The following ADAMTS2 variants were observed in gnomAD, a reference collection of about 807,000 sequenced individuals.
ADAMTS2 encodes the protein A disintegrin and metalloproteinase with thrombospondin motifs 2.
Under a neutral mutation model 123.0 loss-of-function variants are expected in ADAMTS2, and 50 were observed. That is an observed-to-expected ratio of 0.41 (90% CI 0.32 to 0.51). The LOEUF is 0.51. Among genes scored for constraint, ADAMTS2 ranks in the 20% least tolerant of loss-of-function variants. The probability of loss-of-function intolerance (pLI) is 0.35; values close to 1 mark genes in which losing one functional copy is unlikely to be tolerated. For missense variants in ADAMTS2, 1,494 were observed against 1,705.2 expected (o/e 0.88, Z 2.18); for synonymous variants, 678 against 695.4 (o/e 0.98, Z 0.39).
intron 8 of ADAMTS2, 75 bp downstream of exon 8, chr5:179,153,974 A>G: frequency 6.5e-7 from 1 of 1,539,022 alleles, no homozygotes. Context: ...GCTCTGGTGC[A>G]TGGGGACTTG....
At chr5:179,253,962 G>A (rs558134738) in intron 3 of ADAMTS2, among the ~76,000 whole-genome samples, 52 of 152,318 alleles carry the variant, frequency 3.4e-4, no homozygotes, top group African/African-American at 1.2e-3. Flanking sequence ...ACATTTCCCA[G>A]TTCAGAGGTG....
At chr5:179,190,943 G>A (rs533113910) in intron 4 of ADAMTS2, among the ~76,000 whole-genome samples, 16 of 152,386 alleles carry the variant, frequency 1.0e-4, no homozygotes, top group South Asian at 6.2e-4. Flanking sequence ...GCACGTCCGC[G>A]AGTGTGACCC....
chr5:179,332,713 G>C lies in ADAMTS2; in HGVS notation c.534+11054C>G, dbSNP rs1252567002. 6.9e-6 allele frequency among the ~76,000 whole-genome samples: 1 copy of C among 144,990 alleles called. No individual in the cohort carries two copies. The highest frequency in any genetic ancestry group is 2.5e-5 in the African/African-American group (1 of 40,310). On this transcript the variant is annotated intron_variant, in intron 2 of 21. Transcript: ENST00000251582. The surrounding 1 kb of genome is among the most constrained non-coding windows in gnomAD (Gnocchi z 4.2). ...GAGGGGAGGGCAGAGGGGAGGGAGG[G>C]AGGGGATGGGAGAGGAAGGGAGGGA...
Position 179,307,440 on chromosome 5 carries a change from C to T in ADAMTS2, c.535-34376G>A, listed in dbSNP as rs1581262068. Reference sequence around the variant, plus strand: ...AACAGCCCGGTCCGGGGGGCACCACCACGCAGGGGCTTCCCGGGTCATGCT... The same window carrying T: ...AACAGCCCGGTCCGGGGGGCACCACTACGCAGGGGCTTCCCGGGTCATGCT... On this transcript the variant is annotated intron_variant, in intron 2 of 21. Transcript: ENST00000251582. The surrounding 1 kb of genome is among the most constrained non-coding windows in gnomAD (Gnocchi z 5.6). Among the ~76,000 whole-genome samples, 1 of 152,178 alleles carries T rather than the reference C, an allele frequency of 6.6e-6. No individual in the cohort carries two copies. The highest frequency in any genetic ancestry group is 1.5e-5 in the Non-Finnish European group (1 of 68,036).
At chr5:179,164,130 C>T (rs1010872198) in intron 5 of ADAMTS2, among the ~76,000 whole-genome samples, 39 of 152,354 alleles carry the variant, frequency 2.6e-4, no homozygotes, top group Non-Finnish European at 4.7e-4. Context: ...ACTGACAAGC[C>T]ACAGAGCTGC....
Position 179,154,846 on chromosome 5 carries a change from TGAG to T in ADAMTS2, c.1203_1205del (p.Ser402del). The T allele has an allele frequency of 1.2e-6, 2 of 1,613,310 alleles. No individual in the cohort carries two copies. The highest frequency in any genetic ancestry group is 1.7e-6 in the Non-Finnish European group (2 of 1,179,790). On this transcript the variant is annotated inframe_deletion, in exon 7 of 22. Transcript: ENST00000251582. ...CAGTCTCATGGGCCACCACAAACGC[TGAG>T]GAGAAGCCGTCCTCATGGTTCAGGG... is the stretch of plus-strand genomic sequence containing the variant.
rs1218972873 is a variant in ADAMTS2, at chr5:179,332,648, T to C, written c.534+11119A>G. 1.4e-5 allele frequency among the ~76,000 whole-genome samples: 2 copies of C among 139,670 alleles called. No individual in the cohort carries two copies. Among genetic ancestry groups the C allele is most frequent in the East Asian group, 4.4e-4 (2 of 4,512 alleles). 91.6% of individuals were successfully genotyped at this position (139,670 alleles called of 152,430 possible). ...AGCCCAGACCTCAGCTCAGGGCCAGTGTGCTGGGATCAGTGGCCAGTGGCC... is the reference window on the plus strand; with the variant it reads ...AGCCCAGACCTCAGCTCAGGGCCAGCGTGCTGGGATCAGTGGCCAGTGGCC... On this transcript the variant is annotated intron_variant, in intron 2 of 21. Transcript: ENST00000251582. This position sits in a 1 kb window ranked among gnomAD's most constrained non-coding sequence, Gnocchi z 4.2.
chr5:179,239,713 T>C (rs1765617984), intron 3 of ADAMTS2, among the ~76,000 whole-genome samples: 1 of 151,532 alleles, frequency 6.6e-6, no homozygotes, highest in African/African-American at 2.4e-5. Context: ...CACAGAGGGG[T>C]GCAGAGGGAG....
intron 9 of ADAMTS2, among the ~76,000 whole-genome samples, chr5:179,152,838 G>C (rs1278021589): frequency 6.6e-6 from 1 of 152,152 alleles, no homozygotes; most frequent in Non-Finnish European, 1.5e-5. Context: ...GAAGGAGGTG[G>C]CCCTCCTGCG....
At chr5:179,217,990 G>A (rs1765041108) in intron 3 of ADAMTS2, among the ~76,000 whole-genome samples, 1 of 152,208 alleles carries the variant, frequency 6.6e-6, no homozygotes, top group East Asian at 1.9e-4. Flanking sequence ...CCATGTGGAT[G>A]GGAACAAGTC....
At chr5:179,169,802 T>C (rs1366461576) in intron 5 of ADAMTS2, among the ~76,000 whole-genome samples, 1 of 152,242 alleles carries the variant, frequency 6.6e-6, no homozygotes. Context: ...GAGACTCACA[T>C]GCAGAATTTC....
intron 3 of ADAMTS2, among the ~76,000 whole-genome samples, chr5:179,223,609 C>A (rs1045215337): frequency 2.0e-5 from 3 of 150,890 alleles, no homozygotes; most frequent in Non-Finnish European, 4.4e-5. Flanking sequence ...AATGCACTCG[C>A]ATACTCACAT....
At chr5:179,316,217 C>T (rs1473820296) in intron 2 of ADAMTS2, among the ~76,000 whole-genome samples, 1 of 152,170 alleles carries the variant, frequency 6.6e-6, no homozygotes, top group Non-Finnish European at 1.5e-5. Flanking sequence ...GTCCTGCTGG[C>T]AAAGAATTCA....
intron 4 of ADAMTS2, among the ~76,000 whole-genome samples, chr5:179,184,459 C>T (rs910550841): frequency 4.8e-5 from 7 of 146,632 alleles, no homozygotes; most frequent in Admixed American, 1.4e-4. Context: ...TGCAGTGAGC[C>T]GAGATCGCGT....
chr5:179,284,165 C>T (rs1467888872), intron 2 of ADAMTS2, among the ~76,000 whole-genome samples: 1 of 150,710 alleles, frequency 6.6e-6, no homozygotes, highest in Non-Finnish European at 1.5e-5. Flanking sequence ...CCCGTCTCTA[C>T]TAAAAACACA....
intron 4 of ADAMTS2, among the ~76,000 whole-genome samples, chr5:179,194,028 G>A (rs1764363344): frequency 6.6e-6 from 1 of 152,228 alleles, no homozygotes; most frequent in East Asian, 1.9e-4. Flanking sequence ...GCTGCCTCAA[G>A]CTGTCATCCG....
chr5:179,159,023 G>T, intron 5 of ADAMTS2, 144 bp from the exon 6 acceptor site: 2 of 1,098,302 alleles, frequency 1.8e-6, no homozygotes, highest in Non-Finnish European at 1.3e-6. Flanking sequence ...TCACTCTCAG[G>T]ACCTGCTCCC....
At position 179,162,732 on chromosome 5, in the gene ADAMTS2, T is replaced by C. The variant is rs1016124028; in HGVS notation, c.976-3853A>G. 1.3e-5 allele frequency among the ~76,000 whole-genome samples: 2 copies of C among 152,252 alleles called. No homozygotes were observed. Among genetic ancestry groups the C allele is most frequent in the African/African-American group, 4.8e-5 (2 of 41,474 alleles). The stretch of plus-strand genomic sequence containing the variant: ...CATGGACATTAAGAGACTGGGTCAC[T>C]GGCGGCCATCACGAAGGCTGCCTGC... On this transcript the variant is annotated intron_variant, in intron 5 of 21. Transcript: ENST00000251582. This position sits in a 1 kb window ranked among gnomAD's most constrained non-coding sequence, Gnocchi z 5.1.
At chr5:179,277,103 C>A (rs1337732161) in intron 2 of ADAMTS2, among the ~76,000 whole-genome samples, 1 of 152,036 alleles carries the variant, frequency 6.6e-6, no homozygotes, top group African/African-American at 2.4e-5. Context: ...GCAGGCGACT[C>A]CTCGGAGGGC....
Sources: gnomAD v4.1 joint callset for allele counts (sites outside exome capture counted in the v4.1 genomes callset) on GRCh38, gnomAD v4.1.1 for gene constraint, Gnocchi (gnomAD v3.1) non-coding constraint, MANE v1.5 for transcripts, NCBI Gene and HGNC (gene_info 2026-07-23, HGNC 2026-07-21) for gene names.